Variants in PIERCE2 observed in about 807,000 individuals in gnomAD.
The protein encoded by PIERCE2 is piercer of microtubule wall 2.
the PIERCE2 span, chr15:55,410,908 A>C: frequency 1.3e-5 from 2 of 152,368 alleles, no homozygotes; most frequent in Admixed American, 1.3e-4. Flanking sequence ...CTTATGATTT[A>C]CTATTATCCA....
the PIERCE2 span, chr15:55,418,642 A>C: frequency 1.2e-5 from 12 of 1,037,744 alleles, no homozygotes; most frequent in South Asian, 1.7e-4. Context: ...AGGGTAGAAT[A>C]CCTAATAAAG....
At chr15:55,416,885 C>T in the PIERCE2 span, among the ~76,000 whole-genome samples, 1 of 152,066 alleles carries the variant, frequency 6.6e-6, no homozygotes, top group South Asian at 2.1e-4. Context: ...TGCTTGAACC[C>T]GGGAGGCGGA....
At chr15:55,418,700 T>A in the PIERCE2 span, 1 of 645,344 alleles carries the variant, frequency 1.5e-6, no homozygotes. Flanking sequence ...AAATAAAGTA[T>A]TTCAACTGAT....
chr15:55,418,353 C>T, the PIERCE2 span: 2 of 1,539,560 alleles, frequency 1.3e-6, no homozygotes, highest in Non-Finnish European at 1.8e-6. Context: ...ACAGCCACCT[C>T]ACTATCAAAA....
At chr15:55,410,381 A>C in the PIERCE2 span, 1 of 152,194 alleles carries the variant, frequency 6.6e-6, no homozygotes, top group African/African-American at 2.4e-5. Context: ...CATGCCTATA[A>C]TTCCAGCATT....
chr15:55,418,766 G>T, the PIERCE2 span: 34 of 469,322 alleles, frequency 7.2e-5, no homozygotes, highest in East Asian at 1.2e-3. Flanking sequence ...CAAAATAAAA[G>T]GTAGAAAGTG....
chr15:55,416,814 A>G, the PIERCE2 span, among the ~76,000 whole-genome samples: 2 of 152,072 alleles, frequency 1.3e-5, no homozygotes, highest in East Asian at 3.9e-4. Flanking sequence ...AAAAAAAATT[A>G]GCTGGTTGTC....
chr15:55,415,860 G>C, the PIERCE2 span, among the ~76,000 whole-genome samples: 20 of 152,040 alleles, frequency 1.3e-4, no homozygotes, highest in Admixed American at 2.0e-4. Context: ...CAGAAATTGG[G>C]CATAAGACAA....
the PIERCE2 span, among the ~76,000 whole-genome samples, chr15:55,416,097 T>TAC: frequency 7.8e-4 from 98 of 126,204 alleles, no homozygotes; most frequent in Non-Finnish European, 1.4e-3. Context: ...TAAACATTGT[T>TAC]ATATATATAG....
the PIERCE2 span, among the ~76,000 whole-genome samples, chr15:55,409,739 T>C: frequency 6.6e-6 from 1 of 152,192 alleles, no homozygotes. Context: ...TGTATATGTA[T>C]CTATACCAAA....
At chr15:55,416,251 C>CCG in the PIERCE2 span, among the ~76,000 whole-genome samples, 1 of 151,924 alleles carries the variant, frequency 6.6e-6, no homozygotes, top group Non-Finnish European at 1.5e-5. Flanking sequence ...ACAGGCACAT[C>CCG]CCACCACAAC....
At chr15:55,417,936 G>T in the PIERCE2 span, 1 of 550,940 alleles carries the variant, frequency 1.8e-6, no homozygotes, top group Non-Finnish European at 3.2e-6. Flanking sequence ...GTGCTCAGTG[G>T]GGGAGGTTCT....
chr15:55,412,616 G>A, the PIERCE2 span, among the ~76,000 whole-genome samples: 3,180 of 152,142 alleles, frequency 0.021, 99 homozygotes, highest in African/African-American at 0.07. Flanking sequence ...ATTAATAATT[G>A]ACTGAAAGCT....
the PIERCE2 span, chr15:55,408,702 CCG>C: frequency 2.6e-6 from 3 of 1,162,214 alleles, no homozygotes; most frequent in South Asian, 1.3e-5. Flanking sequence ...TAGGCGTTCA[CCG>C]GCTTTCTTGC....
chr15:55,414,939 C>G, the PIERCE2 span, among the ~76,000 whole-genome samples: 1 of 152,090 alleles, frequency 6.6e-6, no homozygotes, highest in African/African-American at 2.4e-5. Flanking sequence ...TGAACCATCT[C>G]AAAGTGAAAT....
chr15:55,412,853 G>T, the PIERCE2 span, among the ~76,000 whole-genome samples: 8 of 152,150 alleles, frequency 5.3e-5, no homozygotes, highest in Admixed American at 2.0e-4. Flanking sequence ...GCTGGGGATT[G>T]ATATGGTAGC....
chr15:55,408,670 T>A, the PIERCE2 span: 1 of 713,886 alleles, frequency 1.4e-6, no homozygotes, highest in Non-Finnish European at 2.4e-6. Flanking sequence ...TTTAATTGGG[T>A]GCGGTTAAAA....
At chr15:55,418,492 T>G in the PIERCE2 span, 1 of 1,528,634 alleles carries the variant, frequency 6.5e-7, no homozygotes, top group Non-Finnish European at 8.8e-7. Context: ...CAACTGGATT[T>G]TATCAAAATA....
the PIERCE2 span, among the ~76,000 whole-genome samples, chr15:55,415,959 C>A: frequency 2.0e-5 from 3 of 152,062 alleles, no homozygotes; most frequent in African/African-American, 7.2e-5. Context: ...CATTTCAGTT[C>A]TTTTGTAAGT....
Sources: gnomAD v4.1 joint callset for allele counts (sites outside exome capture counted in the v4.1 genomes callset) on GRCh38, gnomAD v4.1.1 for gene constraint, MANE v1.5 for transcripts, NCBI Gene and HGNC (gene_info 2026-07-23, HGNC 2026-07-21) for gene names.